The following SLC44A2 variants were observed in gnomAD, a reference collection of about 807,000 sequenced individuals.
The protein encoded by SLC44A2 is solute carrier family 44 member 2 (CTL2 blood group).
A neutral mutation model predicts 90.8 loss-of-function variants in SLC44A2; 57 were observed. The ratio of observed to expected loss-of-function variants is 0.63; its 90% confidence interval spans 0.51 to 0.78. The LOEUF is 0.78. SLC44A2 is among the 30% of genes least tolerant of loss of function. SLC44A2 has a pLI of 0.00. For missense variants in SLC44A2, 794 were observed against 919.7 expected (o/e 0.86, Z 1.77); for synonymous variants, 355 against 360.7 (o/e 0.98, Z 0.18).
chr19:10,609,173 G>A (rs944761905), intron 1 of SLC44A2, among the ~76,000 whole-genome samples: 1 of 152,046 alleles, frequency 6.6e-6, no homozygotes, highest in Admixed American at 6.6e-5. Context: ...GGCCAGGCTG[G>A]TCTTGAACTC....
At chr19:10,642,960 G>C (rs1475666078) in intron 21 of SLC44A2, 1 of 1,592,578 alleles carries the variant, frequency 6.3e-7, no homozygotes, top group Admixed American at 1.7e-5. Flanking sequence ...CCCGAGCTGA[G>C]AGACATCCTG....
At chr19:10,636,947 T>A in intron 16 of SLC44A2, 191 bp downstream of exon 16, 1 of 597,610 alleles carries the variant, frequency 1.7e-6, no homozygotes, top group Non-Finnish European at 2.9e-6. Flanking sequence ...CCAGAGAACC[T>A]ACTGGGTGGA....
intron 1 of SLC44A2, among the ~76,000 whole-genome samples, chr19:10,615,299 T>G (rs1428909109): frequency 6.7e-6 from 1 of 150,130 alleles, no homozygotes; most frequent in Non-Finnish European, 1.5e-5. Flanking sequence ...AGGGGCCAGG[T>G]GCAGTGGCTC....
upstream of SLC44A2, chr19:10,625,428 G>A (rs185919902): frequency 0.011 from 13,333 of 1,191,802 alleles, 83 homozygotes; most frequent in Admixed American, 0.013. Context: ...GGGAGCAGCT[G>A]CAGCCCCGCC....
chr19:10,638,181 C>A, intron 19 of SLC44A2, 46 bp from the exon 20 acceptor site: 2 of 1,613,034 alleles, frequency 1.2e-6, no homozygotes, highest in Non-Finnish European at 1.7e-6. Context: ...AGGCTGTTTC[C>A]TATATCCAGA....
intron 1 of SLC44A2, among the ~76,000 whole-genome samples, chr19:10,617,522 C>A (rs2066865277): frequency 6.6e-6 from 1 of 152,134 alleles, no homozygotes; most frequent in African/African-American, 2.4e-5. Context: ...AGGCATGTCC[C>A]AGCTTTACCA....
chr19:10,615,631 G>A (rs1287179341), intron 1 of SLC44A2, among the ~76,000 whole-genome samples: 1 of 151,846 alleles, frequency 6.6e-6, no homozygotes, highest in African/African-American at 2.4e-5. Flanking sequence ...GGAAGAGGAA[G>A]GGGAGGGGTT....
intron 1 of SLC44A2, among the ~76,000 whole-genome samples, chr19:10,604,433 T>C (rs889575528): frequency 8.5e-5 from 13 of 152,222 alleles, no homozygotes; most frequent in African/African-American, 3.1e-4. Context: ...AAGTAGTTCC[T>C]TCACATCAGA....
intron 10 of SLC44A2, among the ~76,000 whole-genome samples, chr19:10,633,025 A>G (rs568414787): frequency 6.6e-6 from 1 of 152,118 alleles, no homozygotes; most frequent in East Asian, 1.9e-4. Flanking sequence ...CTAGTTGGCA[A>G]ACTAAATGAC....
intron 1 of SLC44A2, among the ~76,000 whole-genome samples, chr19:10,618,474 CTTTTTTTTTTT>C (rs3029799): frequency 5.7e-5 from 5 of 87,366 alleles, no homozygotes; most frequent in Non-Finnish European, 8.5e-5. Context: ...TGCGCCCGGC[CTTTTTTTTTTT>C]TTTTTTTTTT....
chr19:10,602,735 GCCCCGCGTCCCCT>G (rs1917996380), intron 1 of SLC44A2, among the ~76,000 whole-genome samples: 1 of 152,242 alleles, frequency 6.6e-6, no homozygotes, highest in African/African-American at 2.4e-5. Flanking sequence ...TAACCGGGTC[GCCCCGCGTCCCCT>G]CCCCGGGAGC....
At position 10,625,584 on chromosome 19, in the gene SLC44A2, G is replaced by C; in HGVS notation, c.-50G>C. 3.2e-6 allele frequency: 4 copies of C among 1,237,822 alleles called. No individual in the cohort carries two copies. The highest frequency in any genetic ancestry group is 4.0e-6 in the Non-Finnish European group (4 of 988,264). The allele number at this position is 1,237,822 out of a possible 1,614,324, so 76.7% of individuals were successfully genotyped here. A position where few individuals can be genotyped will look rare whatever the true frequency, so the allele number is the denominator to read the frequency against. On this transcript the variant is annotated 5_prime_UTR_variant, in exon 1 of 22. Coordinates refer to ENST00000335757, the MANE Select transcript of SLC44A2 (RefSeq NM_020428.4). Reference sequence around the variant, plus strand: ...TCCCTCCAGACTCGGGAGGGTCGAGGGGGCGCGGGAGAGAGCGCGGGCGGC... The same window carrying C: ...TCCCTCCAGACTCGGGAGGGTCGAGCGGGCGCGGGAGAGAGCGCGGGCGGC...
intron 1 of SLC44A2, among the ~76,000 whole-genome samples, chr19:10,619,388 AC>A (rs1312438017): frequency 2.7e-5 from 4 of 147,604 alleles, no homozygotes; most frequent in African/African-American, 1.0e-4. Flanking sequence ...AGATCATGAC[AC>A]TGTACTCCAG....
At chr19:10,642,227 G>A in intron 20 of SLC44A2, 140 bp from the exon 21 acceptor site, 1 of 671,372 alleles carries the variant, frequency 1.5e-6, no homozygotes, top group South Asian at 1.7e-5. Context: ...GCCAGCGGGG[G>A]TGAGGGGTTG....
At chr19:10,606,096 G>C (rs1039762150) in intron 1 of SLC44A2, among the ~76,000 whole-genome samples, 2 of 152,106 alleles carry the variant, frequency 1.3e-5, no homozygotes, top group African/African-American at 4.8e-5. Context: ...CCATGAGTTT[G>C]AGACCAGCCT....
In SLC44A2 at chr19:10,632,040, C is replaced by T. The variant is rs373961862; in HGVS notation, c.711-4C>T. Reference sequence around the variant, plus strand: ...TCTGTTCATGACCGTTTTCTTTTCCCCAGAGGCCTGGTCATTGCCATGGCG... The same window carrying T: ...TCTGTTCATGACCGTTTTCTTTTCCTCAGAGGCCTGGTCATTGCCATGGCG... On this transcript the variant is annotated splice_region_variant and splice_polypyrimidine_tract_variant and intron_variant, in intron 9 of 21. Transcript: ENST00000335757. The T allele has an allele frequency of 1.2e-6, 2 of 1,614,002 alleles. No homozygotes were observed. The highest frequency in any genetic ancestry group is 1.1e-5 in the South Asian group (1 of 91,084).
chr19:10,620,289 T>TA (rs1342692168), intron 1 of SLC44A2, among the ~76,000 whole-genome samples: 1 of 152,044 alleles, frequency 6.6e-6, no homozygotes, highest in Non-Finnish European at 1.5e-5. Flanking sequence ...GAGACCAGCC[T>TA]AGCAAACATA....
At chr19:10,621,603 C>G (rs1213173875), upstream of SLC44A2, among the ~76,000 whole-genome samples, 1 of 151,648 alleles carries the variant, frequency 6.6e-6, no homozygotes, top group Non-Finnish European at 1.5e-5. Flanking sequence ...GTCACCACAC[C>G]TGGCTAATTT....
chr19:10,631,928 C>A lies in SLC44A2; in HGVS notation c.687C>A (p.Thr229=), dbSNP rs377676445. 5.0e-6 allele frequency: 8 copies of A among 1,614,204 alleles called. No homozygotes were observed. Residue 229 remains threonine, a synonymous_variant, in exon 9 of 22, where the codon ACC becomes ACA. Transcript: ENST00000335757. ...QLAMRIFEDY[T]VSWYWIIIGL... is the part of the protein sequence containing the mutation. The stretch of plus-strand genomic sequence containing the variant: ...CCATGCGCATATTTGAAGATTACAC[C>A]GTCTCTTGGTACTGGATTATCATGT...
Sources: gnomAD v4.1 joint callset for allele counts (sites outside exome capture counted in the v4.1 genomes callset) on GRCh38, gnomAD v4.1.1 for gene constraint, MANE v1.5 for transcripts, NCBI Gene and HGNC (gene_info 2026-07-23, HGNC 2026-07-21) for gene names.